Variants in PLCL2 observed in about 807,000 individuals in gnomAD.
PLCL2 encodes phospholipase C like 2.
Under a neutral mutation model 79.6 loss-of-function variants are expected in PLCL2, and 4 were observed. The observed-to-expected ratio is 0.05, with a 90% CI of 0.02 to 0.11. PLCL2 has a LOEUF of 0.11. PLCL2 is among the 10% of genes least tolerant of loss of function. PLCL2 has a pLI of 1.00. For synonymous variants in PLCL2, 484 were observed against 457.7 expected (o/e 1.06, Z -0.73); for missense variants, 895 against 1,291.0 (o/e 0.69, Z 4.70).
chr3:16,998,125 T>C (rs1194634546), intron 1 of PLCL2, among the ~76,000 whole-genome samples: 1 of 152,180 alleles, frequency 6.6e-6, no homozygotes, highest in Non-Finnish European at 1.5e-5. Context: ...CACTCCTGCA[T>C]CAACCCCTGG....
chr3:17,019,790 CAA>C (rs1288562629), intron 3 of PLCL2, among the ~76,000 whole-genome samples: 2 of 151,262 alleles, frequency 1.3e-5, no homozygotes, highest in East Asian at 3.9e-4. Context: ...TTTCAGAAAA[CAA>C]AAGTTTATTT....
chr3:16,944,010 A>T (rs2063579148), intron 1 of PLCL2, among the ~76,000 whole-genome samples: 1 of 152,058 alleles, frequency 6.6e-6, no homozygotes, highest in Non-Finnish European at 1.5e-5. Context: ...TCCCTGGGAG[A>T]AGTGGAATAG....
intron 4 of PLCL2, among the ~76,000 whole-genome samples, chr3:17,055,237 G>C (rs1340754973): frequency 6.6e-6 from 1 of 152,100 alleles, no homozygotes; most frequent in Non-Finnish European, 1.5e-5. Flanking sequence ...TTAAAGACTG[G>C]ATATTGAACC....
intron 1 of PLCL2, among the ~76,000 whole-genome samples, chr3:16,956,524 C>T (rs2124964579): frequency 6.6e-6 from 1 of 152,306 alleles, no homozygotes; most frequent in South Asian, 2.1e-4. Flanking sequence ...GCTTTGGTAT[C>T]AGGATGATGC....
chr3:16,922,932 A>G (rs927744866), intron 1 of PLCL2, among the ~76,000 whole-genome samples: 8 of 152,148 alleles, frequency 5.3e-5, no homozygotes, highest in Admixed American at 3.3e-4. Context: ...TTCCCTATCA[A>G]TACTTACTGT....
chr3:17,084,781 T>C (rs1209865876), intron 5 of PLCL2, among the ~76,000 whole-genome samples: 2 of 152,162 alleles, frequency 1.3e-5, no homozygotes, highest in Admixed American at 1.3e-4. Context: ...CTTACTCAAC[T>C]TGATAAGGAA....
At chr3:16,900,371 G>T (rs543182238) in intron 1 of PLCL2, among the ~76,000 whole-genome samples, 3 of 152,048 alleles carry the variant, frequency 2.0e-5, no homozygotes, top group Non-Finnish European at 2.9e-5. Flanking sequence ...TCCTCATAGA[G>T]CATATCAAAT....
At chr3:16,981,150 G>GGAGAGA (rs1553641170) in intron 1 of PLCL2, among the ~76,000 whole-genome samples, 37 of 150,666 alleles carry the variant, frequency 2.5e-4, no homozygotes, top group Admixed American at 1.4e-3. Context: ...GGGAGACTCG[G>GGAGAGA]GGGAGAGGGA....
At chr3:16,930,345 G>A (rs1299124855) in intron 1 of PLCL2, among the ~76,000 whole-genome samples, 2 of 152,162 alleles carry the variant, frequency 1.3e-5, no homozygotes, top group Non-Finnish European at 2.9e-5. Flanking sequence ...GTGGCTGAGA[G>A]AAAACAATGG....
intron 1 of PLCL2, among the ~76,000 whole-genome samples, chr3:16,986,169 T>C (rs995397645): frequency 6.6e-6 from 1 of 152,226 alleles, no homozygotes; most frequent in East Asian, 1.9e-4. Context: ...GGACTACTTA[T>C]AGCTTTGTCG....
chr3:17,047,542 A>G (rs1254727267), intron 4 of PLCL2, among the ~76,000 whole-genome samples: 1 of 152,254 alleles, frequency 6.6e-6, no homozygotes, highest in East Asian at 1.9e-4. Flanking sequence ...ATCTTCACTG[A>G]GTAAAGTGGG....
In PLCL2 at chr3:17,011,968, A is replaced by G. The variant is rs1489463940; in HGVS notation, c.2622A>G (p.Leu874=). The change falls in exon 2 of 6, where the codon TTA becomes TTG. Residue 874 remains leucine, a synonymous_variant. Coordinates refer to ENST00000615277, the MANE Select transcript of PLCL2 (RefSeq NM_001144382.2). The surrounding 1 kb of genome is among the most constrained non-coding windows in gnomAD (Gnocchi z 7.9). ...GAGAGGTCCTTGCACATGCTTCTTTATTTGTCCACGTGGCTATTACTAACC... is the reference window on the plus strand; with the variant it reads ...GAGAGGTCCTTGCACATGCTTCTTTGTTTGTCCACGTGGCTATTACTAACC... ...LTGEVLAHAS[L]FVHVAITNRR... The G allele has an allele frequency of 2.5e-6, 4 of 1,614,068 alleles. No homozygotes were observed. The Admixed American group carries it at 6.7e-5, about 27-fold the overall frequency.
intron 4 of PLCL2, among the ~76,000 whole-genome samples, chr3:17,058,577 G>A (rs573924475): frequency 4.6e-5 from 7 of 152,066 alleles, no homozygotes; most frequent in South Asian, 2.1e-4. Context: ...AGTTTGATAC[G>A]CCTAGTTCAC....
At chr3:17,012,486 T>G (rs1382859608) in intron 2 of PLCL2, among the ~76,000 whole-genome samples, 1 of 152,208 alleles carries the variant, frequency 6.6e-6, no homozygotes, top group African/African-American at 2.4e-5. Context: ...TTTCTGAATA[T>G]TCCTTACCTG....
intron 4 of PLCL2, among the ~76,000 whole-genome samples, chr3:17,057,724 G>A (rs2064905356): frequency 6.6e-6 from 1 of 152,180 alleles, no homozygotes; most frequent in Non-Finnish European, 1.5e-5. Flanking sequence ...ATCACTTGTT[G>A]TCTGTGTTTC....
intron 3 of PLCL2, among the ~76,000 whole-genome samples, chr3:17,016,512 C>T (rs924105310): frequency 5.3e-5 from 8 of 152,118 alleles, no homozygotes; most frequent in African/African-American, 1.9e-4. Context: ...GTGCTGAGTG[C>T]CACTGTGCTG....
chr3:16,925,731 A>G lies in PLCL2; in HGVS notation c.327+40365A>G, dbSNP rs187670795. Among the ~76,000 whole-genome samples the G allele has an allele frequency of 4.1e-3, 620 of 152,364 alleles. 2 individuals carry two copies. Among genetic ancestry groups the G allele is most frequent in the African/African-American group, 0.014 (594 of 41,586 alleles). On this transcript the variant is annotated intron_variant, in intron 1 of 5. Coordinates refer to ENST00000615277, the MANE Select transcript of PLCL2 (RefSeq NM_001144382.2). ...CTTCATTCCTTTTTATGTCTGAAAA[A>G]TATTCCATTGTATGGATATGCCACA...
At chr3:16,981,596 T>G (rs1415569702) in intron 1 of PLCL2, among the ~76,000 whole-genome samples, 1 of 152,244 alleles carries the variant, frequency 6.6e-6, no homozygotes, top group Non-Finnish European at 1.5e-5. Flanking sequence ...AAATTCTTAT[T>G]TCGTTTGCAG....
At chr3:17,079,663 C>T (rs557678985) in intron 5 of PLCL2, among the ~76,000 whole-genome samples, 3 of 152,292 alleles carry the variant, frequency 2.0e-5, no homozygotes, top group African/African-American at 4.8e-5. Context: ...CGAGGAGCCC[C>T]CAACCCTCCG....
Sources: gnomAD v4.1 joint callset for allele counts (sites outside exome capture counted in the v4.1 genomes callset) on GRCh38, gnomAD v4.1.1 for gene constraint, Gnocchi (gnomAD v3.1) non-coding constraint, MANE v1.5 for transcripts, NCBI Gene and HGNC (gene_info 2026-07-23, HGNC 2026-07-21) for gene names.